Variants in BLTP1 observed in about 807,000 individuals in gnomAD.
BLTP1 encodes the protein fragile site-associated protein.
At chr4:122,152,948 C>T in the BLTP1 span, 2 of 973,344 alleles carry the variant, frequency 2.1e-6, no homozygotes, top group Non-Finnish European at 2.4e-6. Flanking sequence ...TTGTAGTAGA[C>T]CCCATGCTGC....
At chr4:122,267,681 C>G in the BLTP1 span, 1 of 902,714 alleles carries the variant, frequency 1.1e-6, no homozygotes, top group Non-Finnish European at 1.3e-6. Flanking sequence ...AGAAATGTAG[C>G]ATGGTAAAAG....
the BLTP1 span, chr4:122,257,258 G>A: frequency 8.7e-6 from 14 of 1,613,192 alleles, no homozygotes; most frequent in East Asian, 8.9e-5. Flanking sequence ...GTTACAGAGC[G>A]ATGGACTTCC....
the BLTP1 span, among the ~76,000 whole-genome samples, chr4:122,280,845 A>C: frequency 6.6e-6 from 1 of 152,182 alleles, no homozygotes; most frequent in South Asian, 2.1e-4. Context: ...GCTGAAGCTA[A>C]GTAGTAAAAA....
At chr4:122,349,930 C>A in the BLTP1 span, 1 of 1,613,742 alleles carries the variant, frequency 6.2e-7, no homozygotes, top group African/African-American at 1.3e-5. The surrounding 1 kb of genome is among the most constrained non-coding windows in gnomAD (Gnocchi z 4.5). Flanking sequence ...CACACCAGAT[C>A]TGATAAAAAT....
At chr4:122,362,331 A>ATAACT in the BLTP1 span, 43 of 1,030,944 alleles carry the variant, frequency 4.2e-5, no homozygotes, top group African/African-American at 6.8e-4. Flanking sequence ...AATTTGAAAT[A>ATAACT]TAACTTTAAA....
the BLTP1 span, among the ~76,000 whole-genome samples, chr4:122,342,296 A>G: frequency 6.6e-6 from 1 of 152,124 alleles, no homozygotes; most frequent in Non-Finnish European, 1.5e-5. Context: ...AGGAGTAGGA[A>G]GGATGACGGA....
At chr4:122,230,154 A>T in the BLTP1 span, 1 of 1,614,060 alleles carries the variant, frequency 6.2e-7, no homozygotes, top group East Asian at 2.2e-5. Context: ...GCTGACCATC[A>T]TTCTAAACAT....
the BLTP1 span, among the ~76,000 whole-genome samples, chr4:122,205,393 A>G: frequency 6.6e-6 from 1 of 151,804 alleles, no homozygotes; most frequent in African/African-American, 2.4e-5. Flanking sequence ...ATAACATTTA[A>G]GTCACTTTTT....
chr4:122,276,214 T>A, the BLTP1 span: 1 of 464,272 alleles, frequency 2.2e-6, no homozygotes, highest in Non-Finnish European at 3.4e-6. Context: ...GCTTTTTTGG[T>A]AATTCATACC....
chr4:122,175,263 A>G, the BLTP1 span: 1 of 984,722 alleles, frequency 1.0e-6, no homozygotes, highest in African/African-American at 1.7e-5. Context: ...AGAGGAGACA[A>G]CTTCTATACT....
the BLTP1 span, chr4:122,187,447 G>A: frequency 4.3e-6 from 7 of 1,611,702 alleles, no homozygotes; most frequent in Non-Finnish European, 5.9e-6. Context: ...AGTAAAAACA[G>A]AATCCCAAGA....
chr4:122,237,981 C>CAAAA, the BLTP1 span: 2,662 of 783,648 alleles, frequency 3.4e-3, 13 homozygotes, highest in African/African-American at 0.026. Context: ...GACTCCATCT[C>CAAAA]AAAAAAAAAA....
chr4:122,152,647 G>A, the BLTP1 span: 122 of 985,168 alleles, frequency 1.2e-4, no homozygotes, highest in Middle Eastern at 1.0e-3. Flanking sequence ...AGTGTCTCTG[G>A]AACTCAACCT....
chr4:122,197,129 G>A, the BLTP1 span: 1 of 796,358 alleles, frequency 1.3e-6, no homozygotes. Context: ...AATAATAACT[G>A]AAAAGTAAAG....
chr4:122,250,924 T>C, the BLTP1 span: 12,101 of 984,742 alleles, frequency 0.012, 230 homozygotes, highest in African/African-American at 0.081. Context: ...TTGTTATTGG[T>C]AGTATTTTAT....
chr4:122,180,808 C>G, the BLTP1 span, among the ~76,000 whole-genome samples: 1 of 152,190 alleles, frequency 6.6e-6, no homozygotes. Flanking sequence ...GTCTACTGAC[C>G]TTTTAAAAAC....
chr4:122,292,949 A>C, the BLTP1 span: 3 of 440,794 alleles, frequency 6.8e-6, no homozygotes, highest in East Asian at 1.6e-4. Context: ...GATACCCCAA[A>C]GGCTAATCCA....
chr4:122,213,505 G>A, the BLTP1 span, among the ~76,000 whole-genome samples: 1 of 151,414 alleles, frequency 6.6e-6, no homozygotes, highest in East Asian at 1.9e-4. Flanking sequence ...AAAATAAAAT[G>A]GGAATTTAAA....
chr4:122,333,663 GA>G, the BLTP1 span: 1 of 1,610,472 alleles, frequency 6.2e-7, no homozygotes, highest in Non-Finnish European at 8.5e-7. Context: ...CTTAGATCAA[GA>G]TTCACCTTCA....
Sources: gnomAD v4.1 joint callset for allele counts (sites outside exome capture counted in the v4.1 genomes callset) on GRCh38, gnomAD v4.1.1 for gene constraint, Gnocchi (gnomAD v3.1) non-coding constraint, MANE v1.5 for transcripts, NCBI Gene and HGNC (gene_info 2026-07-23, HGNC 2026-07-21) for gene names.